The following KIF1B variants were observed in gnomAD, a reference collection of about 807,000 sequenced individuals.
The protein encoded by KIF1B is kinesin family member 1B, also known as kinesin-like protein KIF1B.
KIF1B carries 76 observed loss-of-function variants against 241.9 expected under a neutral mutation model. The ratio of observed to expected loss-of-function variants is 0.31; its 90% CI spans 0.26 to 0.38. The LOEUF is 0.38. Among genes scored for constraint, KIF1B ranks in the 10% least tolerant of loss-of-function variants. The pLI, the probability that KIF1B is intolerant of heterozygous loss-of-function variation, is 1.00. For missense variants in KIF1B, 1,622 were observed against 2,271.4 expected (o/e 0.71, Z 5.81); for synonymous variants, 750 against 796.7 (o/e 0.94, Z 0.99).
intron 10 of KIF1B, among the ~76,000 whole-genome samples, chr1:10,275,165 C>T (rs1268581885): frequency 6.6e-6 from 1 of 152,034 alleles, no homozygotes; most frequent in Non-Finnish European, 1.5e-5. Flanking sequence ...TGAAGCTGCA[C>T]GTTGGGTATG....
At chr1:10,211,118 C>T (rs1017313636) in intron 1 of KIF1B, among the ~76,000 whole-genome samples, 1 of 152,128 alleles carries the variant, frequency 6.6e-6, no homozygotes, top group African/African-American at 2.4e-5. Flanking sequence ...CTGCACCGGC[C>T]CTCCGTTTCC....
Position 10,326,657 on chromosome 1 carries a change from A to C in KIF1B, c.2924+298A>C, listed in dbSNP as rs1445122275. On this transcript the variant is annotated intron_variant, in intron 27 of 48. Coordinates refer to ENST00000676179, the MANE Select transcript of KIF1B (RefSeq NM_001365951.3). This position sits in a 1 kb window ranked among gnomAD's most constrained non-coding sequence, Gnocchi z 5.2. ...TTTGTTCTGAAGAAGGGAACCCCAA[A>C]GGAGAAAGTAAAGCTAAGAGTCAAA... Among the ~76,000 whole-genome samples, 1 of 152,180 alleles carries C rather than the reference A, an allele frequency of 6.6e-6. No homozygotes were observed. The highest frequency in any genetic ancestry group is 1.9e-4 in the East Asian group (1 of 5,192).
chr1:10,336,986 G>T, intron 29 of KIF1B, 88 bp from the exon 30 acceptor site: 1 of 1,552,300 alleles, frequency 6.4e-7, no homozygotes, highest in East Asian at 2.2e-5. Context: ...ACTATTATTT[G>T]TTGGACAGAT....
Position 10,297,060 on chromosome 1 carries a change from A to G in KIF1B, c.2025A>G (p.Lys675=), listed in dbSNP as rs1320553408. The G allele has an allele frequency of 2.5e-6, 4 of 1,614,080 alleles. No homozygotes were observed. In the East Asian group the frequency reaches 6.7e-5, roughly 27 times the overall value. Residue 675 remains lysine (K), a synonymous_variant, in exon 21 of 49, where the codon AAA becomes AAG. Transcript: ENST00000676179. ...TGGAAAAACAAGGAATTGATATGAA[A>G]CAAGAGATGGAGAAAAGGTAATGCA... ...ELLEKQGIDM[K]QEMEKRLQEM...
intron 7 of KIF1B, among the ~76,000 whole-genome samples, chr1:10,269,891 A>G (rs1019236662): frequency 5.9e-5 from 9 of 152,150 alleles, no homozygotes; most frequent in African/African-American, 2.2e-4. Flanking sequence ...TATTAGTGCT[A>G]TTTATTAGTT....
rs1302347115 is a variant in KIF1B at position 10,292,034 on chromosome 1, GT to G, written c.1515-6del. Reference sequence around the variant, plus strand: ...TTGGTATTAGTGTTCTGATATACCTGTTTTTTTCCTAGAGAGGCTTTGTTGG... The same window carrying G: ...TTGGTATTAGTGTTCTGATATACCTGTTTTTTCCTAGAGAGGCTTTGTTGG... On this transcript the variant is annotated splice_polypyrimidine_tract_variant and intron_variant, in intron 16 of 48. Coordinates refer to ENST00000676179, the MANE Select transcript of KIF1B (RefSeq NM_001365951.3). 4.3e-6 allele frequency: 7 copies of G among 1,612,146 alleles called. No homozygotes were observed. Among genetic ancestry groups the G allele is most frequent in the African/African-American group, 1.3e-5 (1 of 74,970 alleles).
At chr1:10,306,438 T>C in intron 22 of KIF1B, 1 of 998,408 alleles carries the variant, frequency 1.0e-6, no homozygotes, top group Admixed American at 5.5e-5. Context: ...ATACACAATT[T>C]ATTTTCTAAG....
intron 2 of KIF1B, among the ~76,000 whole-genome samples, chr1:10,244,303 T>C (rs375970284): frequency 1.5e-4 from 23 of 150,074 alleles, no homozygotes; most frequent in African/African-American, 4.2e-4. Flanking sequence ...CCATTTTTCT[T>C]TTTTTTCTTT....
At chr1:10,219,382 C>A (rs1646810474) in intron 1 of KIF1B, among the ~76,000 whole-genome samples, 1 of 151,792 alleles carries the variant, frequency 6.6e-6, no homozygotes, top group Non-Finnish European at 1.5e-5. Flanking sequence ...ATCACTTGAA[C>A]CTGGGAGGCG....
intron 2 of KIF1B, among the ~76,000 whole-genome samples, chr1:10,251,369 G>T (rs1171340411): frequency 1.3e-5 from 2 of 150,044 alleles, no homozygotes; most frequent in Non-Finnish European, 3.0e-5. Context: ...AGAACAAAGC[G>T]ATAAAATCTG....
intron 14 of KIF1B, among the ~76,000 whole-genome samples, chr1:10,280,815 T>G (rs545945654): frequency 1.4e-4 from 22 of 152,348 alleles, no homozygotes; most frequent in African/African-American, 5.3e-4. Flanking sequence ...TCTTAGCAGC[T>G]GCGGCATTTC....
chr1:10,241,383 C>T (rs1263238083), intron 2 of KIF1B, among the ~76,000 whole-genome samples: 1 of 152,142 alleles, frequency 6.6e-6, no homozygotes, highest in Non-Finnish European at 1.5e-5. Context: ...GGATTACACG[C>T]ATGAGCCACC....
chr1:10,349,305 C>T (rs1443018482), intron 37 of KIF1B, among the ~76,000 whole-genome samples: 2 of 151,882 alleles, frequency 1.3e-5, no homozygotes, highest in East Asian at 1.9e-4. Context: ...CATGGTGGCA[C>T]GCACCTGTAG....
intron 1 of KIF1B, among the ~76,000 whole-genome samples, chr1:10,222,482 A>C (rs1451576900): frequency 6.6e-6 from 1 of 152,200 alleles, no homozygotes; most frequent in African/African-American, 2.4e-5. Flanking sequence ...TCATTTTTTT[A>C]GGAATATAAT....
chr1:10,373,545 CAA>C (rs796599901), intron 45 of KIF1B, among the ~76,000 whole-genome samples: 3 of 134,160 alleles, frequency 2.2e-5, no homozygotes, highest in Non-Finnish European at 1.6e-5. Context: ...AACTTGATTT[CAA>C]AAAAAAAAAA....
intron 2 of KIF1B, among the ~76,000 whole-genome samples, chr1:10,249,644 G>T (rs1647329778): frequency 6.6e-6 from 1 of 152,192 alleles, no homozygotes; most frequent in Admixed American, 6.5e-5. Flanking sequence ...GCCCACACTT[G>T]TAATCCTAGC....
At position 10,368,533 on chromosome 1, in the gene KIF1B, T is replaced by G; in HGVS notation, c.4819T>G (p.Cys1607Gly). 6.2e-7 allele frequency: 1 copy of G among 1,613,534 alleles called. No homozygotes were observed. Among genetic ancestry groups the G allele is most frequent in the Non-Finnish European group, 8.5e-7 (1 of 1,179,412 alleles). The part of the protein sequence containing the change: ...FSQVHGSVSD[C>G]KLSDISPIGR... Reference sequence around the variant, plus strand: ...CCAGGTGCACGGCAGCGTCAGTGACTGTAAGGTGAGCACATTGACTGTAAT... The same window carrying G: ...CCAGGTGCACGGCAGCGTCAGTGACGGTAAGGTGAGCACATTGACTGTAAT... Residue 1607 changes from cysteine to glycine, a missense_variant, in exon 44 of 49, where the codon TGT becomes GGT. Cys to Gly is a radical substitution (Grantham distance 159). Coordinates refer to ENST00000676179, the MANE Select transcript of KIF1B (RefSeq NM_001365951.3).
chr1:10,291,519 G>A (rs1569729757), intron 16 of KIF1B, among the ~76,000 whole-genome samples: 1 of 152,022 alleles, frequency 6.6e-6, no homozygotes, highest in Non-Finnish European at 1.5e-5. Context: ...GACCATCCTG[G>A]CTAGCATGGT....
Position 10,376,749 on chromosome 1 carries a change from C to G in KIF1B, c.*162C>G, listed in dbSNP as rs934203198. 1 of 722,402 alleles carries G rather than the reference C, an allele frequency of 1.4e-6. No individual in the cohort carries two copies. Among genetic ancestry groups the G allele is most frequent in the African/African-American group, 1.7e-5 (1 of 57,430 alleles). 44.7% of individuals were successfully genotyped at this position (722,402 alleles called of 1,614,324 possible). Reference sequence around the variant, plus strand: ...TTTCTAGCTCTCCCGTTCCCCATCTCCATTGCTCTGTACTCTTTTCTTTTT... The same window carrying G: ...TTTCTAGCTCTCCCGTTCCCCATCTGCATTGCTCTGTACTCTTTTCTTTTT... On this transcript the variant is annotated 3_prime_UTR_variant, in exon 49 of 49. Transcript: ENST00000676179.
Sources: allele counts gnomAD v4.1 joint callset (sites outside exome capture counted in the v4.1 genomes callset), GRCh38; gene constraint gnomAD v4.1.1; non-coding constraint Gnocchi (gnomAD v3.1); transcripts MANE v1.5; gene names NCBI Gene and HGNC (gene_info 2026-07-23, HGNC 2026-07-21).